The following FBXO16 variants were observed in gnomAD, a reference collection of about 807,000 sequenced individuals.
FBXO16 encodes the protein F-box protein 16.
A neutral mutation model predicts 41.0 loss-of-function variants in FBXO16; 31 were observed. That is an observed-to-expected ratio of 0.76 (90% confidence interval 0.57 to 1.02). The LOEUF (loss-of-function observed/expected upper bound fraction) is 1.02. FBXO16 is among the 50% of genes least tolerant of loss of function. FBXO16 has a pLI of 0.00. For synonymous variants in FBXO16, 133 were observed against 117.8 expected, an observed-to-expected ratio of 1.13 and a Z score of -0.84; for missense variants, 361 against 346.2, an observed-to-expected ratio of 1.04 and a Z score of -0.34.
chr8:28,470,054 C>T (rs1329594503), intron 3 of FBXO16, among the ~76,000 whole-genome samples: 1 of 150,864 alleles, frequency 6.6e-6, no homozygotes, highest in Non-Finnish European at 1.5e-5. Flanking sequence ...ATTAGCCGGG[C>T]GCGGTGGTGG....
intron 6 of FBXO16, among the ~76,000 whole-genome samples, chr8:28,451,380 G>GTTTTTT (rs67171132): frequency 2.1e-4 from 29 of 138,666 alleles, no homozygotes; most frequent in Non-Finnish European, 3.2e-4. Context: ...CTTTGTTGTT[G>GTTTTTT]TTTTTTTTTT....
intron 7 of FBXO16, among the ~76,000 whole-genome samples, chr8:28,442,611 T>G (rs1448021774): frequency 6.6e-6 from 1 of 152,106 alleles, no homozygotes; most frequent in Non-Finnish European, 1.5e-5. Flanking sequence ...CTCAAACTCC[T>G]GACCTCAGGT....
Position 28,428,692 on chromosome 8 carries a change from G to A in FBXO16, c.*35C>T, listed in dbSNP as rs562292446. The A allele has an allele frequency of 1.7e-5, 26 of 1,575,118 alleles. No homozygotes were observed. The highest frequency in any genetic ancestry group is 2.0e-5 in the Non-Finnish European group (23 of 1,162,126). ...CCACTGACTCAGGGGGAGGCCAGGC[G>A]AGATGAGCTGGAACTTTTAGGGGAG... On this transcript the variant is annotated 3_prime_UTR_variant, in exon 9 of 9. Coordinates refer to ENST00000380254, the MANE Select transcript of FBXO16 (RefSeq NM_172366.4).
chr8:28,447,437 T>C (rs1802882771), intron 6 of FBXO16, 164 bp from the exon 7 acceptor site: 2 of 589,292 alleles, frequency 3.4e-6, no homozygotes, highest in Non-Finnish European at 6.0e-6. Context: ...ACTGGTTGCA[T>C]CAACTCCTGC....
chr8:28,467,177 T>G (rs973973340), intron 3 of FBXO16, among the ~76,000 whole-genome samples: 7 of 152,118 alleles, frequency 4.6e-5, no homozygotes, highest in African/African-American at 1.7e-4. Flanking sequence ...CCAGGATGAT[T>G]ACGGTTACAA....
chr8:28,459,929 G>A (rs1014790377), intron 4 of FBXO16, among the ~76,000 whole-genome samples: 4 of 151,008 alleles, frequency 2.6e-5, no homozygotes, highest in African/African-American at 9.7e-5. Context: ...GAGATTCTGA[G>A]GCAAGAGAAT....
chr8:28,447,109 A>T, intron 7 of FBXO16, 62 bp downstream of exon 7: 1 of 1,454,642 alleles, frequency 6.9e-7, no homozygotes, highest in Non-Finnish European at 9.5e-7. Context: ...TGCAAATAGG[A>T]TTAGAGATCT....
intron 3 of FBXO16, among the ~76,000 whole-genome samples, chr8:28,464,176 T>A (rs1007475441): frequency 6.6e-6 from 1 of 152,206 alleles, no homozygotes; most frequent in Non-Finnish European, 1.5e-5. Context: ...AGTTTCTGCA[T>A]TATCCCATCA....
At chr8:28,484,797 G>A (rs1369597408) in intron 1 of FBXO16, among the ~76,000 whole-genome samples, 1 of 152,086 alleles carries the variant, frequency 6.6e-6, no homozygotes, top group Non-Finnish European at 1.5e-5. Context: ...GTTTCACCGT[G>A]TTAGCCAGGA....
intron 2 of FBXO16, among the ~76,000 whole-genome samples, chr8:28,481,000 G>A (rs756559960): frequency 2.6e-5 from 4 of 152,200 alleles, no homozygotes; most frequent in Non-Finnish European, 5.9e-5. Flanking sequence ...GATAGGAGGC[G>A]AGGGCGAGAG....
At position 28,465,953 on chromosome 8, in the gene FBXO16, G is replaced by A. The variant is rs553231951; in HGVS notation, c.136-2135C>T. Among the ~76,000 whole-genome samples the A allele has an allele frequency of 1.6e-3, 250 of 152,256 alleles. No individual in the cohort carries two copies. The South Asian group carries it at 0.027, about 16-fold the overall frequency. The stretch of plus-strand genomic sequence containing the variant: ...GTATAGGAGCTCAGTCCAAAACAAT[G>A]GCCTTCCATAAATTTTAACATTAGA... On this transcript the variant is annotated intron_variant, in intron 3 of 8. Coordinates refer to ENST00000380254, the MANE Select transcript of FBXO16 (RefSeq NM_172366.4).
intron 7 of FBXO16, among the ~76,000 whole-genome samples, chr8:28,430,788 T>C (rs912970417): frequency 2.0e-5 from 3 of 152,008 alleles, no homozygotes; most frequent in Non-Finnish European, 4.4e-5. Flanking sequence ...CTGGCCAACA[T>C]GGTGAAACCC....
At chr8:28,432,731 A>G (rs1312240668) in intron 7 of FBXO16, among the ~76,000 whole-genome samples, 1 of 152,114 alleles carries the variant, frequency 6.6e-6, no homozygotes, top group African/African-American at 2.4e-5. Context: ...GCCGTCCATC[A>G]GCATTCCTAG....
intron 3 of FBXO16, among the ~76,000 whole-genome samples, chr8:28,469,591 A>G (rs960396924): frequency 9.2e-5 from 14 of 152,178 alleles, no homozygotes; most frequent in Non-Finnish European, 1.6e-4. Context: ...CCCAGGGAAC[A>G]CTATGTAGCA....
At chr8:28,482,429 C>G (rs1294658304) in intron 2 of FBXO16, among the ~76,000 whole-genome samples, 1 of 152,136 alleles carries the variant, frequency 6.6e-6, no homozygotes, top group Non-Finnish European at 1.5e-5. Flanking sequence ...TTGGTAAATT[C>G]TGTCCCTAAC....
At chr8:28,472,511 G>A (rs373703793) in intron 3 of FBXO16, among the ~76,000 whole-genome samples, 32 of 152,116 alleles carry the variant, frequency 2.1e-4, no homozygotes, top group East Asian at 1.9e-3. Context: ...AAGGGGGGGC[G>A]GGGTGGATCA....
At chr8:28,441,947 T>TGTG (rs1491261277) in intron 7 of FBXO16, among the ~76,000 whole-genome samples, 2 of 85,030 alleles carry the variant, frequency 2.4e-5, no homozygotes, top group African/African-American at 8.2e-5. Context: ...TGTGTGTGTA[T>TGTG]TTTTTTTTTT....
At chr8:28,429,432 T>A (rs1267808915) in intron 7 of FBXO16, 29 bp from the exon 8 acceptor site, 8 of 1,613,234 alleles carry the variant, frequency 5.0e-6, no homozygotes, top group Non-Finnish European at 6.8e-6. Flanking sequence ...GGGAAGAGAA[T>A]GGAGAGAGGA....
At chr8:28,471,860 C>T (rs1803342050) in intron 3 of FBXO16, among the ~76,000 whole-genome samples, 1 of 149,266 alleles carries the variant, frequency 6.7e-6, no homozygotes, top group African/African-American at 2.5e-5. Flanking sequence ...TGATCATCAC[C>T]CAGGGATGGC....
Sources: gnomAD v4.1 joint callset for allele counts (sites outside exome capture counted in the v4.1 genomes callset) on GRCh38, gnomAD v4.1.1 for gene constraint, MANE v1.5 for transcripts, NCBI Gene and HGNC (gene_info 2026-07-23, HGNC 2026-07-21) for gene names.